DMGDH: variants seen among roughly 807,000 people sequenced by gnomAD.
The protein encoded by DMGDH is dimethylglycine dehydrogenase.
DMGDH carries 76 observed loss-of-function variants against 95.2 expected under a neutral mutation model. That is an observed-to-expected ratio of 0.80 (90% CI 0.66 to 0.97). The LOEUF is 0.97. Among genes scored for constraint, DMGDH ranks in the 50% least tolerant of loss-of-function variants. The pLI, the probability that DMGDH is intolerant of heterozygous loss-of-function variation, is 0.00. For missense variants in DMGDH, 987 were observed against 1,055.0 expected (o/e 0.94, Z 0.89); for synonymous variants, 345 against 377.6 (o/e 0.91, Z 1.00).
intron 14 of DMGDH, chr5:79,021,374 A>G: frequency 8.6e-7 from 1 of 1,164,724 alleles, no homozygotes; most frequent in Non-Finnish European, 1.1e-6. Context: ...TGGGTTAGCA[A>G]GGTGTCTAAT....
In DMGDH at chr5:79,054,325, A is replaced by C. The variant is rs747572852; in HGVS notation, c.399T>G (p.Gly133=). Residue 133 remains glycine, a synonymous_variant, in exon 4 of 16, where the codon GGT becomes GGG. Coordinates refer to ENST00000255189, the MANE Select transcript of DMGDH (RefSeq NM_013391.3). ...CAGGGGTGGTAGCAAGTCTGATACTACCTGGCTGATGGAATCCCACCACCT... is the reference window on the plus strand; with the variant it reads ...CAGGGGTGGTAGCAAGTCTGATACTCCCTGGCTGATGGAATCCCACCACCT... The part of the protein sequence containing the change: ...TGQVVGFHQP[G]SIRLATTPVR... 1 of 1,614,104 alleles carries C rather than the reference A, an allele frequency of 6.2e-7. No individual in the cohort carries two copies. Among genetic ancestry groups the C allele is most frequent in the South Asian group, 1.1e-5 (1 of 91,080 alleles).
intron 2 of DMGDH, among the ~76,000 whole-genome samples, chr5:79,056,997 G>A (rs540211071): frequency 2.0e-5 from 3 of 152,312 alleles, no homozygotes; most frequent in African/African-American, 7.2e-5. Context: ...TCTCTTAAAT[G>A]GAGCAGCCCT....
intron 7 of DMGDH, among the ~76,000 whole-genome samples, chr5:79,038,144 G>C (rs1754401882): frequency 6.6e-6 from 1 of 152,146 alleles, no homozygotes; most frequent in Admixed American, 6.6e-5. Flanking sequence ...CATACTTCCT[G>C]ATTTCAGAAA....
chr5:79,066,070 A>G (rs10065798), intron 1 of DMGDH, among the ~76,000 whole-genome samples: 61,953 of 152,070 alleles, frequency 0.41, 15,217 homozygotes, highest in East Asian at 0.64. Flanking sequence ...ACAACAGTAC[A>G]GTTTTCAAAG....
chr5:79,035,600 T>C (rs1240389325), intron 7 of DMGDH, among the ~76,000 whole-genome samples: 1 of 152,174 alleles, frequency 6.6e-6, no homozygotes, highest in Admixed American at 6.5e-5. Flanking sequence ...TGTCTATATT[T>C]TTGACAGACT....
At chr5:79,011,124 G>T (rs542574876) in intron 14 of DMGDH, among the ~76,000 whole-genome samples, 1 of 152,208 alleles carries the variant, frequency 6.6e-6, no homozygotes, top group South Asian at 2.1e-4. Flanking sequence ...TTATAATAAA[G>T]CCATAAACTG....
chr5:79,016,829 T>C (rs1270091689), intron 14 of DMGDH, among the ~76,000 whole-genome samples: 1 of 152,142 alleles, frequency 6.6e-6, no homozygotes, highest in Non-Finnish European at 1.5e-5. Flanking sequence ...AGTATTGGCA[T>C]TTGGAAAGAT....
chr5:79,021,266 G>T, intron 14 of DMGDH: 1 of 1,050,546 alleles, frequency 9.5e-7, no homozygotes, highest in East Asian at 7.9e-5. Context: ...TTACGGCTAA[G>T]AACGTATCCC....
At chr5:79,003,602 A>G in intron 15 of DMGDH, among the ~76,000 whole-genome samples, 1 of 152,218 alleles carries the variant, frequency 6.6e-6, no homozygotes, top group Non-Finnish European at 1.5e-5. Context: ...TTGGCTTCAC[A>G]GGCTCTAATA....
rs1226822840 is a variant in DMGDH at position 79,051,405 on chromosome 5, A to G, written c.627T>C (p.Cys209=). Residue 209 remains cysteine, a synonymous_variant, in exon 5 of 16, where the codon TGT becomes TGC. Transcript: ENST00000255189. ...TMALAAGARK[C]GALLKYPAPV... ...GTGCAGGATATTTTAAAAGGGCACCACATTTCCTAGCCCCAGCAGCCAGTG... is the reference window on the plus strand; with the variant it reads ...GTGCAGGATATTTTAAAAGGGCACCGCATTTCCTAGCCCCAGCAGCCAGTG... 3 of 1,614,080 alleles carry G rather than the reference A, an allele frequency of 1.9e-6. No homozygotes were observed. The highest frequency in any genetic ancestry group is 2.2e-5 in the East Asian group (1 of 44,894).
At chr5:79,008,820 A>G (rs1753592515) in intron 14 of DMGDH, among the ~76,000 whole-genome samples, 1 of 152,194 alleles carries the variant, frequency 6.6e-6, no homozygotes, top group Admixed American at 6.5e-5. Context: ...ATTAATCAGT[A>G]ACATTTACAA....
Position 79,028,658 on chromosome 5 carries a change from T to A in DMGDH, c.1815-8A>T, listed in dbSNP as rs1449235900. ...GCTTCTTCTTCAATCCATCTGCGTT[T>A]TAGTCATGAACATGGTGTTAAATAT... On this transcript the variant is annotated splice_region_variant and splice_polypyrimidine_tract_variant and intron_variant, in intron 11 of 15. Coordinates refer to ENST00000255189, the MANE Select transcript of DMGDH (RefSeq NM_013391.3). 1 of 1,613,782 alleles carries A rather than the reference T, an allele frequency of 6.2e-7. No homozygotes were observed. Among genetic ancestry groups the A allele is most frequent in the Non-Finnish European group, 8.5e-7 (1 of 1,179,842 alleles).
chr5:79,018,802 A>G (rs191616508), intron 14 of DMGDH, among the ~76,000 whole-genome samples: 1 of 152,336 alleles, frequency 6.6e-6, no homozygotes. Flanking sequence ...TTCAGCTCTT[A>G]GGGTAGAAAC....
chr5:79,054,419 G>C, intron 3 of DMGDH, 71 bp from the exon 4 acceptor site: 1 of 1,468,086 alleles, frequency 6.8e-7, no homozygotes, highest in Non-Finnish European at 9.5e-7. Flanking sequence ...TTCTGCTCCA[G>C]TATAATGAAA....
chr5:79,024,299 C>G lies in DMGDH; in HGVS notation c.2222G>C (p.Gly741Ala). The G allele has an allele frequency of 6.2e-7, 1 of 1,613,628 alleles. No individual in the cohort carries two copies. Residue 741 changes from glycine to alanine, a missense_variant, in exon 14 of 16, where the codon GGA becomes GCA. Transcript: ENST00000255189. ...ATTTAACTTCACAAAATATTCCAGT[C>G]CAGCTTCCAAAGGATTTGTATCACA... ...MNCDTNPLEAGLEYFVKLNKP... is the reference protein window; with the variant it reads ...MNCDTNPLEAALEYFVKLNKP...
chr5:78,999,063 G>C (rs528050236), intron 15 of DMGDH, among the ~76,000 whole-genome samples: 52 of 152,298 alleles, frequency 3.4e-4, no homozygotes, highest in Admixed American at 1.1e-3. Context: ...ACACAACATT[G>C]CACTAATCCT....
intron 7 of DMGDH, among the ~76,000 whole-genome samples, chr5:79,039,571 T>A (rs1342551496): frequency 6.6e-6 from 1 of 150,588 alleles, no homozygotes; most frequent in African/African-American, 2.5e-5. Context: ...GTCAGGGGAG[T>A]GGGGAGGGAT....
At chr5:79,024,885 A>G (rs1033964909) in intron 13 of DMGDH, among the ~76,000 whole-genome samples, 3 of 152,244 alleles carry the variant, frequency 2.0e-5, no homozygotes, top group African/African-American at 7.2e-5. Flanking sequence ...ATAGACCTGA[A>G]GTTAATGGTT....
intron 5 of DMGDH, among the ~76,000 whole-genome samples, chr5:79,048,789 A>ACC (rs1367655424): frequency 1.4e-5 from 2 of 144,844 alleles, no homozygotes; most frequent in Non-Finnish European, 3.0e-5. Context: ...ACACACACAC[A>ACC]CCCCTCCACA....
Sources: gnomAD v4.1 joint callset for allele counts (sites outside exome capture counted in the v4.1 genomes callset) on GRCh38, gnomAD v4.1.1 for gene constraint, MANE v1.5 for transcripts, NCBI Gene and HGNC (gene_info 2026-07-23, HGNC 2026-07-21) for gene names.